Variants in OSBPL8 observed in about 807,000 individuals in gnomAD.
OSBPL8 encodes the protein oxysterol-binding protein-related protein 8.
OSBPL8 carries 59 observed loss-of-function variants against 125.5 expected under a neutral mutation model. The observed-to-expected ratio is 0.47, with a 90% CI of 0.38 to 0.58. The LOEUF is 0.58. Ranked by LOEUF, OSBPL8 falls within the 20% of genes least tolerant of loss-of-function variation. The probability of loss-of-function intolerance (pLI) is 0.00; values close to 1 mark genes in which losing one functional copy is unlikely to be tolerated. For synonymous variants in OSBPL8, 330 were observed against 338.9 expected (o/e 0.97, Z 0.29); for missense variants, 758 against 1,047.8 (o/e 0.72, Z 3.82).
chr12:76,480,167 CAAAA>C (rs57582036), intron 2 of OSBPL8, among the ~76,000 whole-genome samples: 2 of 56,386 alleles, frequency 3.5e-5, no homozygotes, highest in Non-Finnish European at 6.1e-5. Flanking sequence ...AACTCCATCT[CAAAA>C]AAAAAAAAAA....
At chr12:76,475,529 G>C (rs187272819) in intron 2 of OSBPL8, among the ~76,000 whole-genome samples, 1 of 152,256 alleles carries the variant, frequency 6.6e-6, no homozygotes, top group Admixed American at 6.5e-5. Context: ...ATGTGACAAA[G>C]ATCTTAATAT....
chr12:76,388,501 C>T (rs1345489957), intron 12 of OSBPL8, among the ~76,000 whole-genome samples: 2 of 152,150 alleles, frequency 1.3e-5, no homozygotes, highest in Non-Finnish European at 2.9e-5. Flanking sequence ...ATTTGCCTTA[C>T]ATTCTGAGAG....
intron 15 of OSBPL8, among the ~76,000 whole-genome samples, chr12:76,379,358 T>G (rs890881745): frequency 2.0e-5 from 3 of 152,190 alleles, no homozygotes; most frequent in Non-Finnish European, 4.4e-5. Flanking sequence ...GTATGCATTT[T>G]CTCTCCTTCT....
At chr12:76,534,707 GT>G (rs571095818) in intron 1 of OSBPL8, among the ~76,000 whole-genome samples, 115 of 152,134 alleles carry the variant, frequency 7.6e-4, no homozygotes, top group African/African-American at 2.0e-3. Context: ...ACTATGCAAA[GT>G]TTTTTTACTA....
chr12:76,358,602 C>T (rs904523119), intron 22 of OSBPL8, 104 bp downstream of exon 22: 2 of 1,015,862 alleles, frequency 2.0e-6, no homozygotes, highest in South Asian at 2.8e-5. Flanking sequence ...CCTGCCCCGA[C>T]CAAAACTCAC....
chr12:76,455,750 A>G (rs1391498416), intron 3 of OSBPL8, among the ~76,000 whole-genome samples: 1 of 152,250 alleles, frequency 6.6e-6, no homozygotes, highest in African/African-American at 2.4e-5. Flanking sequence ...TACATCAGTT[A>G]CATAATAGTA....
chr12:76,517,022 C>T (rs545029215), intron 1 of OSBPL8, among the ~76,000 whole-genome samples: 10 of 152,164 alleles, frequency 6.6e-5, no homozygotes, highest in Non-Finnish European at 1.0e-4. Context: ...CCATGTTAGC[C>T]AGCCTGGTCT....
chr12:76,391,238 G>T (rs7979327), intron 10 of OSBPL8, among the ~76,000 whole-genome samples: 1,577 of 152,166 alleles, frequency 0.01, 35 homozygotes, highest in African/African-American at 0.037. Context: ...AATCCAGAGA[G>T]AATTAAAAAT....
intron 8 of OSBPL8, 52 bp downstream of exon 8, chr12:76,397,642 A>G: frequency 1.3e-6 from 2 of 1,524,530 alleles, no homozygotes; most frequent in Non-Finnish European, 9.0e-7. Context: ...TCTCAGTTCT[A>G]TTCATGGATT....
intron 1 of OSBPL8, among the ~76,000 whole-genome samples, chr12:76,512,795 T>C (rs946014451): frequency 1.3e-5 from 2 of 152,252 alleles, no homozygotes; most frequent in Admixed American, 1.3e-4. Context: ...ATTTCAATGA[T>C]ATTGATTCTT....
At chr12:76,401,074 C>T (rs1052829887) in intron 6 of OSBPL8, among the ~76,000 whole-genome samples, 2 of 152,112 alleles carry the variant, frequency 1.3e-5, no homozygotes, top group African/African-American at 2.4e-5. Context: ...TGAGCCACCA[C>T]ACCTGGCCAA....
intron 1 of OSBPL8, among the ~76,000 whole-genome samples, chr12:76,524,681 T>C (rs1950117344): frequency 6.6e-6 from 1 of 151,552 alleles, no homozygotes; most frequent in Admixed American, 6.6e-5. Context: ...AGAGATCTAA[T>C]TACTTTTTTT....
chr12:76,430,583 T>C, intron 4 of OSBPL8, among the ~76,000 whole-genome samples: 1 of 152,086 alleles, frequency 6.6e-6, no homozygotes, highest in Non-Finnish European at 1.5e-5. Flanking sequence ...CACAAATAAT[T>C]CAAAATGATT....
chr12:76,394,797 C>A, intron 8 of OSBPL8, 68 bp from the exon 9 acceptor site: 1 of 1,028,064 alleles, frequency 9.7e-7, no homozygotes, highest in Non-Finnish European at 1.4e-6. Flanking sequence ...TTTACACTAT[C>A]CAATATTATC....
At chr12:76,466,352 T>C (rs1377933091) in intron 2 of OSBPL8, among the ~76,000 whole-genome samples, 2 of 152,198 alleles carry the variant, frequency 1.3e-5, no homozygotes, top group African/African-American at 2.4e-5. Context: ...TTATCTATGA[T>C]TAAGTATAGT....
intron 22 of OSBPL8, 83 bp from the exon 23 acceptor site, chr12:76,356,811 C>A: frequency 1.1e-6 from 1 of 929,810 alleles, no homozygotes. Context: ...TAAAAATTTT[C>A]CTGGGCATTT....
intron 3 of OSBPL8, among the ~76,000 whole-genome samples, chr12:76,452,995 T>G (rs1045676581): frequency 6.7e-6 from 1 of 149,756 alleles, no homozygotes; most frequent in African/African-American, 2.5e-5. Flanking sequence ...ATGGCACAAT[T>G]TGGCATTTTT....
At chr12:76,407,413 G>C (rs1476423841) in intron 5 of OSBPL8, among the ~76,000 whole-genome samples, 2 of 152,086 alleles carry the variant, frequency 1.3e-5, no homozygotes, top group Non-Finnish European at 2.9e-5. Context: ...ACCACACCCG[G>C]CTAATTTTTG....
chr12:76,455,773 A>G (rs1484119183), intron 3 of OSBPL8, among the ~76,000 whole-genome samples: 2 of 152,254 alleles, frequency 1.3e-5, no homozygotes, highest in Non-Finnish European at 2.9e-5. Context: ...CTATTCAAAC[A>G]TAAGTTTAAG....
Sources: allele counts gnomAD v4.1 joint callset (sites outside exome capture counted in the v4.1 genomes callset), GRCh38; gene constraint gnomAD v4.1.1; transcripts MANE v1.5; gene names NCBI Gene and HGNC (gene_info 2026-07-23, HGNC 2026-07-21).